The following RORC variants were observed in gnomAD, a reference collection of about 807,000 sequenced individuals.
RORC encodes nuclear receptor ROR-gamma.
RORC carries 13 observed loss-of-function variants against 64.5 expected under a neutral mutation model. That is an observed-to-expected ratio of 0.20 (90% CI 0.13 to 0.32). The LOEUF is 0.32. RORC is among the 10% of genes least tolerant of loss of function. The probability of loss-of-function intolerance (pLI) is 1.00; values close to 1 mark genes in which losing one functional copy is unlikely to be tolerated. For missense variants in RORC, 468 were observed against 669.5 expected (o/e 0.70, Z 3.32); for synonymous variants, 277 against 259.3 (o/e 1.07, Z -0.65).
chr1:151,812,092 T>C (rs955564415), intron 9 of RORC: 6 of 152,204 alleles, frequency 3.9e-5, no homozygotes, highest in African/African-American at 1.4e-4. Flanking sequence ...ATCCAGAGTC[T>C]TCCTATTATA....
intron 10 of RORC, among the ~76,000 whole-genome samples, chr1:151,810,468 C>T (rs559411739): frequency 1.8e-4 from 28 of 151,876 alleles, no homozygotes; most frequent in African/African-American, 5.1e-4. Flanking sequence ...ATAGAAAGAG[C>T]GCAAAGAGCA....
rs1651325834 is a variant in RORC at position 151,806,701 on chromosome 1, T to C, written c.*771A>G. On this transcript the variant is annotated 3_prime_UTR_variant, in exon 11 of 11. Transcript: ENST00000318247. The stretch of plus-strand genomic sequence containing the variant: ...AGTCTGTATGTGTTTCACCTGTGTA[T>C]GGATATGTGTCTCTGATCAGATTTG... 2 of 152,234 alleles carry C rather than the reference T, an allele frequency of 1.3e-5. No homozygotes were observed. Among genetic ancestry groups the C allele is most frequent in the South Asian group, 4.1e-4 (2 of 4,838 alleles). 9.4% of individuals were successfully genotyped at this position (152,234 alleles called of 1,614,324 possible). A position where few individuals can be genotyped will look rare whatever the true frequency, so the allele number is the denominator to read the frequency against.
chr1:151,818,941 G>A (rs567040146), intron 2 of RORC, among the ~76,000 whole-genome samples: 42 of 152,122 alleles, frequency 2.8e-4, no homozygotes, highest in Non-Finnish European at 5.6e-4. Context: ...CAGACTTGAG[G>A]TGAGTCAGAG....
intron 2 of RORC, among the ~76,000 whole-genome samples, chr1:151,824,291 G>A (rs934638408): frequency 2.6e-5 from 4 of 152,174 alleles, no homozygotes; most frequent in East Asian, 1.9e-4. Context: ...GCCTGGGTGG[G>A]GCTGTGTGTG....
At chr1:151,812,916 A>G (rs1202452069) in intron 9 of RORC, 31 bp downstream of exon 9, 3 of 1,420,296 alleles carry the variant, frequency 2.1e-6, no homozygotes, top group Non-Finnish European at 3.0e-6. Flanking sequence ...TGCCACCTGA[A>G]TGTCCTTCAC....
rs765958902 is a variant in RORC, at chr1:151,815,125, C to A, written c.599G>T (p.Cys200Phe). 1.2e-6 allele frequency: 2 copies of A among 1,614,164 alleles called. No homozygotes were observed. The highest frequency in any genetic ancestry group is 1.7e-6 in the Non-Finnish European group (2 of 1,180,006). The change falls in exon 5 of 11, where the codon TGC becomes TTC. Residue 200 changes from cysteine to phenylalanine, a missense_variant. Around this residue, in one of 5 missense-constraint regions of RORC, gnomAD observed 241 missense variants for 295.5 expected, o/e 0.82. Coordinates refer to ENST00000318247, the MANE Select transcript of RORC (RefSeq NM_005060.4). Reference protein sequence around the residue: ...LAKAGLNGASCHLEYSPERGK... With the variant: ...LAKAGLNGASFHLEYSPERGK... ...CCGCTCAGGGCTGTATTCAAGGTGGCATGAGGCCCCATTGAGCCCTGCCTT... is the reference window on the plus strand; with the variant it reads ...CCGCTCAGGGCTGTATTCAAGGTGGAATGAGGCCCCATTGAGCCCTGCCTT...
rs1477011096 is a variant in RORC at position 151,807,178 on chromosome 1, T to G, written c.*294A>C. ...GGATGTCTTGGTCCCCCAGAAGTCCTTAAATCCCAGCCACCCCATGCCTTC... is the reference window on the plus strand; with the variant it reads ...GGATGTCTTGGTCCCCCAGAAGTCCGTAAATCCCAGCCACCCCATGCCTTC... On this transcript the variant is annotated 3_prime_UTR_variant, in exon 11 of 11. Transcript: ENST00000318247. The surrounding 1 kb of genome is among the most constrained non-coding windows in gnomAD (Gnocchi z 5.0). 1 of 321,804 alleles carries G rather than the reference T, an allele frequency of 3.1e-6. No individual in the cohort carries two copies. The allele number at this position is 321,804 out of a possible 1,614,324, so 19.9% of individuals were successfully genotyped here.
At chr1:151,812,089 G>C (rs571051670) in intron 9 of RORC, 2 of 152,274 alleles carry the variant, frequency 1.3e-5, no homozygotes, top group East Asian at 3.9e-4. Context: ...GATATCCAGA[G>C]TCTTCCTATT....
At chr1:151,811,698 T>A (rs1213330387) in intron 9 of RORC, 1 of 297,284 alleles carries the variant, frequency 3.4e-6, no homozygotes, top group African/African-American at 2.1e-5. Flanking sequence ...TAACCTGATA[T>A]TCCACATAGC....
intron 1 of RORC, among the ~76,000 whole-genome samples, chr1:151,829,978 T>C (rs1288869310): frequency 6.6e-6 from 1 of 152,252 alleles, no homozygotes; most frequent in Non-Finnish European, 1.5e-5. Flanking sequence ...TGGTCTTATT[T>C]ACTTTGTAAT....
rs1408002925 is a variant in RORC at position 151,807,688 on chromosome 1, A to G, written c.1396-55T>C. On this transcript the variant is annotated intron_variant, in intron 10 of 10. Transcript: ENST00000318247. The surrounding 1 kb of genome is among the most constrained non-coding windows in gnomAD (Gnocchi z 5.0). The stretch of plus-strand genomic sequence containing the variant: ...TCAATACTTCAGCTCTCCTCAGAGC[A>G]AAGAAGTCCGCTCATTCTTCCTGGG... The G allele has an allele frequency of 3.8e-6, 6 of 1,581,832 alleles. No homozygotes were observed. The highest frequency in any genetic ancestry group is 5.2e-6 in the Non-Finnish European group (6 of 1,157,148).
chr1:151,808,603 C>G (rs1017647355), intron 10 of RORC, among the ~76,000 whole-genome samples: 1 of 152,206 alleles, frequency 6.6e-6, no homozygotes, highest in African/African-American at 2.4e-5. Context: ...ATGGCAATAG[C>G]TTCCTTCATT....
chr1:151,819,279 G>T (rs1651891714), intron 2 of RORC, among the ~76,000 whole-genome samples: 1 of 152,226 alleles, frequency 6.6e-6, no homozygotes, highest in Admixed American at 6.5e-5. Context: ...TTGTCAGCAA[G>T]ATCAGGATAA....
In RORC at chr1:151,830,196, C is replaced by G. The variant is rs1448707771; in HGVS notation, c.41-738G>C. Among the ~76,000 whole-genome samples the G allele has an allele frequency of 6.6e-6, 1 of 152,122 alleles. No homozygotes were observed. The highest frequency in any genetic ancestry group is 1.5e-5 in the Non-Finnish European group (1 of 68,016). ...GCTTCCACGGGCCAGGCTTCCCTGG[C>G]CTACCAGCCTGAAGAGGAAGGCCTC... On this transcript the variant is annotated intron_variant, in intron 1 of 10. Transcript: ENST00000318247. This position sits in a 1 kb window ranked among gnomAD's most constrained non-coding sequence, Gnocchi z 4.0.
chr1:151,817,262 G>A lies in RORC; in HGVS notation c.89C>T (p.Pro30Leu). 1 of 1,614,050 alleles carries A rather than the reference G, an allele frequency of 6.2e-7. No individual in the cohort carries two copies. Among genetic ancestry groups the A allele is most frequent in the Non-Finnish European group, 8.5e-7 (1 of 1,179,888 alleles). Residue 30 changes from proline (P) to leucine (L), a missense_variant, in exon 3 of 11, where the codon CCT (proline) becomes CTT (leucine). Physicochemically the swap from Pro to Leu is moderately conservative, Grantham distance 98 (BLOSUM62 -3). Around this residue, in one of 5 missense-constraint regions of RORC, gnomAD observed 13 missense variants for 46.0 expected, o/e 0.28. Coordinates refer to ENST00000318247, the MANE Select transcript of RORC (RefSeq NM_005060.4). ...KTHTSQIEVI[P>L]CKICGDKSSG... ...CGACTTGTCCCCACAGATTTTGCAA[G>A]GGATCACTTCAATTTGTGCTGGAAG...
intron 2 of RORC, among the ~76,000 whole-genome samples, chr1:151,828,002 G>A (rs909355466): frequency 1.4e-5 from 2 of 140,512 alleles, no homozygotes; most frequent in Non-Finnish European, 3.1e-5. Context: ...CTTTCCTCCC[G>A]GGGCCCTGCT....
chr1:151,821,970 TATC>T (rs1652008055), intron 2 of RORC, among the ~76,000 whole-genome samples: 1 of 152,114 alleles, frequency 6.6e-6, no homozygotes, highest in Non-Finnish European at 1.5e-5. Flanking sequence ...ATGACTTATA[TATC>T]AACAACAGGG....
intron 2 of RORC, among the ~76,000 whole-genome samples, chr1:151,822,754 C>T (rs189152250): frequency 6.6e-6 from 1 of 152,366 alleles, no homozygotes; most frequent in Admixed American, 6.5e-5. Context: ...CCCTGAGGCC[C>T]TGCCTTGTTA....
At chr1:151,812,880 C>T in intron 9 of RORC, 67 bp downstream of exon 9, 5 of 1,022,430 alleles carry the variant, frequency 4.9e-6, no homozygotes, top group Non-Finnish European at 7.7e-6. Context: ...AAGGTCTAGA[C>T]TCTTCTTCAA....
Sources: gnomAD v4.1 joint callset for allele counts (sites outside exome capture counted in the v4.1 genomes callset) on GRCh38, gnomAD v4.1.1 for gene constraint, gnomAD v4.1.1 regional missense constraint, Gnocchi (gnomAD v3.1) non-coding constraint, MANE v1.5 for transcripts, NCBI Gene and HGNC (gene_info 2026-07-23, HGNC 2026-07-21) for gene names.